SLC22A3: variants seen among roughly 807,000 people sequenced by gnomAD.
SLC22A3 encodes solute carrier family 22 member 3.
Under a neutral mutation model 59.1 loss-of-function variants are expected in SLC22A3, and 51 were observed. The ratio of observed to expected loss-of-function variants is 0.86; its 90% confidence interval spans 0.69 to 1.09. SLC22A3 has a LOEUF of 1.09. SLC22A3 is among the 50% of genes least tolerant of loss of function. The pLI, the probability that SLC22A3 is intolerant of heterozygous loss-of-function variation, is 0.00. For synonymous variants in SLC22A3, 325 were observed against 292.0 expected, an observed-to-expected ratio of 1.11 and a Z score of -1.15; for missense variants, 711 against 726.3, an observed-to-expected ratio of 0.98 and a Z score of 0.24.
At chr6:160,382,466 A>G (rs1785832588) in intron 1 of SLC22A3, among the ~76,000 whole-genome samples, 1 of 152,248 alleles carries the variant, frequency 6.6e-6, no homozygotes, top group African/African-American at 2.4e-5. Flanking sequence ...CAGTTGCTGC[A>G]TATCACAGGA....
At position 160,348,802 on chromosome 6, in the gene SLC22A3, G is replaced by C; in HGVS notation, c.383G>C (p.Arg128Pro). 1 of 1,578,288 alleles carries C rather than the reference G, an allele frequency of 6.3e-7. No individual in the cohort carries two copies. Among genetic ancestry groups the C allele is most frequent in the South Asian group, 1.1e-5 (1 of 87,426 alleles). The change falls in exon 1 of 11, where the codon CGC becomes CCC. Residue 128 changes from arginine (R) to proline (P), a missense_variant. By Grantham distance (103) the Arg-to-Pro change is moderately radical. Coordinates refer to ENST00000275300, the MANE Select transcript of SLC22A3 (RefSeq NM_021977.4). ...PNRSAPLVPCRGGWRYAQAHS... is the reference protein window; with the variant it reads ...PNRSAPLVPCPGGWRYAQAHS... ...CGCTCGGCTCCCCTTGTGCCGTGCC[G>C]CGGCGGCTGGCGCTACGCCCAGGCC...
intron 1 of SLC22A3, among the ~76,000 whole-genome samples, chr6:160,381,468 A>G (rs762320076): frequency 3.3e-5 from 5 of 152,212 alleles, no homozygotes; most frequent in Non-Finnish European, 7.3e-5. Context: ...TGTGAGTTGG[A>G]CACTGTGCAC....
Position 160,415,288 on chromosome 6 carries a change from T to A in SLC22A3, c.975+4442T>A, listed in dbSNP as rs1004382934. On this transcript the variant is annotated intron_variant, in intron 5 of 10. Transcript: ENST00000275300. This position sits in a 1 kb window ranked among gnomAD's most constrained non-coding sequence, Gnocchi z 4.1. ...CAAGCACCATCCTGAGCAGAAAACC[T>A]CTTCGTGATGACGCAGAAGGACTGG... 1.3e-5 allele frequency among the ~76,000 whole-genome samples: 2 copies of A among 152,190 alleles called. No individual in the cohort carries two copies. Among genetic ancestry groups the A allele is most frequent in the African/African-American group, 4.8e-5 (2 of 41,438 alleles).
At chr6:160,360,852 C>G (rs1247357213) in intron 1 of SLC22A3, among the ~76,000 whole-genome samples, 1 of 152,016 alleles carries the variant, frequency 6.6e-6, no homozygotes, top group Non-Finnish European at 1.5e-5. Flanking sequence ...AGCTGGGATC[C>G]ATGTTCCTAT....
At chr6:160,450,934 G>C (rs1267026804) in intron 10 of SLC22A3, 62 bp from the exon 11 acceptor site, 2 of 1,446,728 alleles carry the variant, frequency 1.4e-6, no homozygotes, top group African/African-American at 2.8e-5. Flanking sequence ...AATAATAACA[G>C]AACACCCTCT....
intron 6 of SLC22A3, 55 bp from the exon 7 acceptor site, chr6:160,436,942 A>G: frequency 6.2e-7 from 1 of 1,609,884 alleles, no homozygotes; most frequent in Admixed American, 1.7e-5. Flanking sequence ...CTTCCTTCAA[A>G]TCAGCTTGAA....
intron 5 of SLC22A3, among the ~76,000 whole-genome samples, chr6:160,423,426 G>A (rs1272775955): frequency 6.6e-5 from 10 of 152,168 alleles, no homozygotes; most frequent in Non-Finnish European, 1.5e-4. Flanking sequence ...CACAATGGTT[G>A]AACTAGTTTA....
intron 5 of SLC22A3, among the ~76,000 whole-genome samples, chr6:160,433,191 C>T (rs1456800597): frequency 6.6e-6 from 1 of 152,158 alleles, no homozygotes; most frequent in East Asian, 1.9e-4. Context: ...TCGCCAACCT[C>T]TAGGTTAATA....
At position 160,436,161 on chromosome 6, in the gene SLC22A3, A is replaced by G. The variant is rs74907759; in HGVS notation, c.976-619A>G. 6.3e-3 allele frequency among the ~76,000 whole-genome samples: 953 copies of G among 152,156 alleles called. 5 individuals carry two copies. The highest frequency in any genetic ancestry group is 0.01 in the Non-Finnish European group (687 of 67,996). On this transcript the variant is annotated intron_variant, in intron 5 of 10. Transcript: ENST00000275300. ...ATGCTCTGATGCTTCCGCATGTTAG[A>G]CTGGAGGCAGGATGTGGGGATTGGG...
rs374907790 is a variant in SLC22A3, at chr6:160,436,797, G to A, written c.993G>A (p.Glu331=). 491 of 1,611,354 alleles carry A rather than the reference G, an allele frequency of 3.0e-4. 1 individual carries two copies. The highest frequency in any genetic ancestry group is 3.0e-4 in the Non-Finnish European group (354 of 1,177,852). The change falls in exon 6 of 11, where the codon GAG becomes GAA. Residue 331 remains glutamate, a synonymous_variant. Transcript: ENST00000275300. The stretch of plus-strand genomic sequence containing the variant: ...TTATATAGATCACTGTTACAGATGA[G>A]GAAGTTAGTAATCCATCCTTTTTAG... The part of the protein sequence containing the change: ...SNYSEITVTD[E]EVSNPSFLDL...
intron 1 of SLC22A3, among the ~76,000 whole-genome samples, chr6:160,354,110 G>C (rs572233350): frequency 2.6e-5 from 4 of 152,252 alleles, no homozygotes; most frequent in Middle Eastern, 3.4e-3. Flanking sequence ...GCAAAGGTAG[G>C]GGACTCCAAC....
intron 1 of SLC22A3, among the ~76,000 whole-genome samples, chr6:160,385,610 C>T (rs865914021): frequency 2.6e-5 from 4 of 152,200 alleles, no homozygotes; most frequent in African/African-American, 7.2e-5. Flanking sequence ...CCCTACTGTG[C>T]GCAGCTGGAC....
chr6:160,362,493 G>C (rs1018366184), intron 1 of SLC22A3, among the ~76,000 whole-genome samples: 25 of 152,188 alleles, frequency 1.6e-4, no homozygotes, highest in Non-Finnish European at 2.6e-4. Flanking sequence ...ACCCTTTCCC[G>C]TTGTTGTCTT....
At chr6:160,441,228 TC>T (rs1021618817) in intron 7 of SLC22A3, among the ~76,000 whole-genome samples, 1 of 152,036 alleles carries the variant, frequency 6.6e-6, no homozygotes, top group African/African-American at 2.4e-5. Context: ...GAGTCTCTGC[TC>T]CCACTTTCCC....
At chr6:160,407,643 T>A (rs534929897) in intron 3 of SLC22A3, among the ~76,000 whole-genome samples, 1 of 152,182 alleles carries the variant, frequency 6.6e-6, no homozygotes, top group East Asian at 1.9e-4. Context: ...AACTTTTTAC[T>A]ATGGGAGAAA....
intron 1 of SLC22A3, among the ~76,000 whole-genome samples, chr6:160,353,663 C>T (rs557528715): frequency 4.6e-5 from 7 of 152,020 alleles, no homozygotes; most frequent in Non-Finnish European, 7.4e-5. Context: ...ATTTTGTGCC[C>T]TCAGGAGCAG....
At chr6:160,449,984 C>T (rs1162082786) in intron 10 of SLC22A3, among the ~76,000 whole-genome samples, 1 of 152,146 alleles carries the variant, frequency 6.6e-6, no homozygotes, top group Non-Finnish European at 1.5e-5. Flanking sequence ...AAACAAACAT[C>T]ACAAGACAAA....
chr6:160,379,522 G>GT (rs2114792034), intron 1 of SLC22A3, among the ~76,000 whole-genome samples: 1 of 152,286 alleles, frequency 6.6e-6, no homozygotes, highest in South Asian at 2.1e-4. Flanking sequence ...CCAAATCAAA[G>GT]AACCATAAAA....
chr6:160,349,563 G>A (rs1562462700), intron 1 of SLC22A3, among the ~76,000 whole-genome samples: 2 of 152,136 alleles, frequency 1.3e-5, no homozygotes, highest in Non-Finnish European at 2.9e-5. Context: ...ATTTACAGGC[G>A]GAGGCTGCTG....
Sources: gnomAD v4.1 joint callset for allele counts (sites outside exome capture counted in the v4.1 genomes callset) on GRCh38, gnomAD v4.1.1 for gene constraint, Gnocchi (gnomAD v3.1) non-coding constraint, MANE v1.5 for transcripts, NCBI Gene and HGNC (gene_info 2026-07-23, HGNC 2026-07-21) for gene names.